TFEC: variants seen among roughly 807,000 people sequenced by gnomAD.
The protein encoded by TFEC is class E basic helix-loop-helix protein 34.
A neutral mutation model predicts 41.6 loss-of-function variants in TFEC; 31 were observed. That is an observed-to-expected ratio of 0.74 (90% CI 0.56 to 1.01). The LOEUF (loss-of-function observed/expected upper bound fraction) is 1.01. TFEC is among the 50% of genes least tolerant of loss of function. The probability of loss-of-function intolerance (pLI) is 0.00; values close to 1 mark genes in which losing one functional copy is unlikely to be tolerated. For missense variants in TFEC, 402 were observed against 404.1 expected (o/e 0.99, Z 0.04); for synonymous variants, 143 against 140.6 (o/e 1.02, Z -0.12).
intron 3 of TFEC, among the ~76,000 whole-genome samples, chr7:115,960,333 C>T (rs1389445311): frequency 6.6e-6 from 1 of 151,556 alleles, no homozygotes; most frequent in Non-Finnish European, 1.5e-5. Flanking sequence ...AAAATATATT[C>T]TTAGGCATAC....
intron 1 of TFEC, among the ~76,000 whole-genome samples, chr7:116,130,510 G>A (rs1010594229): frequency 5.3e-5 from 8 of 152,190 alleles, no homozygotes; most frequent in African/African-American, 1.9e-4. Context: ...TCAGAATCTC[G>A]AGTTTAAAAA....
intron 1 of TFEC, among the ~76,000 whole-genome samples, chr7:116,144,333 T>C (rs1434927359): frequency 1.3e-5 from 2 of 152,130 alleles, no homozygotes; most frequent in Non-Finnish European, 2.9e-5. Flanking sequence ...AACCCAAAGG[T>C]TACAGGTTTT....
intron 6 of TFEC, among the ~76,000 whole-genome samples, chr7:115,945,112 C>T (rs1225635332): frequency 3.3e-5 from 4 of 121,416 alleles, no homozygotes; most frequent in East Asian, 2.8e-4. Flanking sequence ...CAAAAATTTG[C>T]TAAACTCAAA....
At chr7:116,012,921 G>T (rs1457547049) in intron 1 of TFEC, among the ~76,000 whole-genome samples, 1 of 150,550 alleles carries the variant, frequency 6.6e-6, no homozygotes, top group Non-Finnish European at 1.5e-5. Flanking sequence ...GTTGATATAT[G>T]ATCATCAATT....
chr7:115,955,550 T>C (rs1263109361), intron 4 of TFEC, among the ~76,000 whole-genome samples: 1 of 152,078 alleles, frequency 6.6e-6, no homozygotes, highest in Non-Finnish European at 1.5e-5. Context: ...CAGGTGTCTG[T>C]ACTTCTGGCT....
At chr7:116,070,881 T>C (rs1172530842) in intron 3 of TFEC, among the ~76,000 whole-genome samples, 2 of 151,246 alleles carry the variant, frequency 1.3e-5, no homozygotes, top group Non-Finnish European at 3.0e-5. Flanking sequence ...AATAATTCTA[T>C]ATGAAGAACA....
intron 3 of TFEC, among the ~76,000 whole-genome samples, chr7:116,099,151 G>A (rs1389598247): frequency 6.6e-6 from 1 of 152,112 alleles, no homozygotes; most frequent in Non-Finnish European, 1.5e-5. Context: ...ATAAATATTG[G>A]CAAACCACAT....
intron 3 of TFEC, among the ~76,000 whole-genome samples, chr7:115,973,104 A>C (rs1423344678): frequency 6.6e-6 from 1 of 152,038 alleles, no homozygotes; most frequent in African/African-American, 2.4e-5. Flanking sequence ...ACTGAAAAAA[A>C]ATCCTGCAAC....
At chr7:116,075,494 C>T (rs1376737094) in intron 3 of TFEC, among the ~76,000 whole-genome samples, 1 of 152,118 alleles carries the variant, frequency 6.6e-6, no homozygotes, top group Non-Finnish European at 1.5e-5. Flanking sequence ...GTTCTCAGCC[C>T]TGGTCACCAG....
intron 3 of TFEC, among the ~76,000 whole-genome samples, chr7:115,973,045 C>T (rs1163542414): frequency 6.6e-6 from 1 of 151,420 alleles, no homozygotes; most frequent in East Asian, 1.9e-4. Flanking sequence ...TACTTGAAAT[C>T]TGAAGAGAAA....
chr7:115,984,566 G>A, intron 1 of TFEC, 53 bp from the exon 2 acceptor site: 1 of 1,573,818 alleles, frequency 6.4e-7, no homozygotes. Context: ...TGTGAAATTA[G>A]AGTTCTCCTT....
intron 1 of TFEC, among the ~76,000 whole-genome samples, chr7:116,126,990 G>C (rs556578314): frequency 2.6e-5 from 4 of 152,286 alleles, no homozygotes; most frequent in Admixed American, 2.6e-4. Flanking sequence ...AATGGTAGTA[G>C]ATTCTAGTTT....
intron 1 of TFEC, among the ~76,000 whole-genome samples, chr7:116,007,627 T>C (rs1310674840): frequency 1.3e-5 from 2 of 152,192 alleles, no homozygotes; most frequent in Non-Finnish European, 1.5e-5. Flanking sequence ...ACTTAGTTCT[T>C]GTATGTGTTT....
intron 3 of TFEC, among the ~76,000 whole-genome samples, chr7:116,097,680 G>T (rs1247874359): frequency 1.3e-5 from 2 of 152,054 alleles, no homozygotes; most frequent in Non-Finnish European, 2.9e-5. Flanking sequence ...TCAAACCTGT[G>T]AATTGTTTAT....
chr7:115,994,651 A>G (rs1794280019), intron 1 of TFEC, among the ~76,000 whole-genome samples: 1 of 152,248 alleles, frequency 6.6e-6, no homozygotes, highest in African/African-American at 2.4e-5. Flanking sequence ...ATGAGATACC[A>G]TCTCACACCA....
At chr7:115,958,510 T>C (rs185494678) in intron 3 of TFEC, among the ~76,000 whole-genome samples, 2 of 151,850 alleles carry the variant, frequency 1.3e-5, no homozygotes, top group Admixed American at 6.6e-5. Flanking sequence ...AGAGCCTGAA[T>C]TCAGATGGAC....
At chr7:115,943,400 A>G (rs1225168850) in intron 6 of TFEC, among the ~76,000 whole-genome samples, 2 of 151,926 alleles carry the variant, frequency 1.3e-5, no homozygotes, top group African/African-American at 4.8e-5. Context: ...CATGGAAAGA[A>G]AAGCTTGAGG....
chr7:116,050,389 T>A (rs536967054), intron 3 of TFEC, among the ~76,000 whole-genome samples: 27 of 152,100 alleles, frequency 1.8e-4, no homozygotes, highest in African/African-American at 6.5e-4. Flanking sequence ...CTAGAAGAAA[T>A]CTATCCATCT....
chr7:116,145,259 T>C (rs1273600055), intron 1 of TFEC, among the ~76,000 whole-genome samples: 1 of 152,180 alleles, frequency 6.6e-6, no homozygotes, highest in African/African-American at 2.4e-5. Context: ...TTACTAATAA[T>C]AAAATTCATG....
Sources: gnomAD v4.1 joint callset for allele counts (sites outside exome capture counted in the v4.1 genomes callset) on GRCh38, gnomAD v4.1.1 for gene constraint, MANE v1.5 for transcripts, NCBI Gene and HGNC (gene_info 2026-07-23, HGNC 2026-07-21) for gene names.